The following MARCHF1 variants were observed in gnomAD, a reference collection of about 807,000 sequenced individuals.
MARCHF1 encodes the protein membrane associated ring-CH-type finger 1.
In MARCHF1, 40 loss-of-function variants were observed where a neutral mutation model predicts 54.2. That is an observed-to-expected ratio of 0.74 (90% confidence interval 0.57 to 0.96). MARCHF1 has a LOEUF of 0.96. Ranked by LOEUF, MARCHF1 falls within the 40% of genes least tolerant of loss-of-function variation. The probability of loss-of-function intolerance (pLI) is 0.00; values close to 1 mark genes in which losing one functional copy is unlikely to be tolerated. For synonymous variants in MARCHF1, 236 were observed against 236.3 expected, an observed-to-expected ratio of 1.00 and a Z score of 0.01; for missense variants, 586 against 656.5, an observed-to-expected ratio of 0.89 and a Z score of 1.17.
chr4:163,708,985 A>T lies in MARCHF1; in HGVS notation c.112-8122T>A, dbSNP rs190842504. ...AATGTTCATGATATATTGTTAAGGT[A>T]ATAAAGTTATAGAAAAATGTGTAGA... On this transcript the variant is annotated intron_variant, in intron 4 of 9. Transcript: ENST00000514618. Among the ~76,000 whole-genome samples the T allele has an allele frequency of 1.7e-3, 266 of 152,314 alleles. 1 individual carries two copies. Among genetic ancestry groups the T allele is most frequent in the African/African-American group, 6.3e-3 (260 of 41,570 alleles).
intron 1 of MARCHF1, among the ~76,000 whole-genome samples, chr4:164,221,599 C>T (rs1398405424): frequency 6.6e-6 from 1 of 150,946 alleles, no homozygotes; most frequent in Non-Finnish European, 1.5e-5. Flanking sequence ...AAATAAGTTT[C>T]TTTTTTTTTA....
intron 4 of MARCHF1, among the ~76,000 whole-genome samples, chr4:163,716,467 C>T (rs1227505611): frequency 6.6e-6 from 1 of 152,188 alleles, no homozygotes; most frequent in Non-Finnish European, 1.5e-5. Flanking sequence ...ATCCTGCAAA[C>T]TCGACAAATT....
intron 2 of MARCHF1, among the ~76,000 whole-genome samples, chr4:164,061,431 T>A (rs1462610301): frequency 2.0e-5 from 3 of 149,842 alleles, no homozygotes; most frequent in South Asian, 2.1e-4. Context: ...GTCACACAAT[T>A]TTTTTGGCTT....
intron 2 of MARCHF1, among the ~76,000 whole-genome samples, chr4:164,107,983 A>T (rs552978639): frequency 6.6e-6 from 1 of 152,222 alleles, no homozygotes; most frequent in African/African-American, 2.4e-5. Context: ...ATTTCCATTC[A>T]TCAGTTCACT....
intron 5 of MARCHF1, among the ~76,000 whole-genome samples, chr4:163,699,846 AG>A (rs1327952521): frequency 6.6e-6 from 1 of 152,176 alleles, no homozygotes; most frequent in Non-Finnish European, 1.5e-5. Context: ...TTTAAAGAAT[AG>A]CTCTTACATT....
chr4:164,378,710 A>G (rs1731272073), intron 1 of MARCHF1, among the ~76,000 whole-genome samples: 2 of 152,040 alleles, frequency 1.3e-5, no homozygotes, highest in Admixed American at 1.3e-4. Context: ...GAGCCTTTAT[A>G]AGTTTGTTTT....
At chr4:164,286,674 C>A (rs1432245929) in intron 1 of MARCHF1, among the ~76,000 whole-genome samples, 3 of 149,368 alleles carry the variant, frequency 2.0e-5, no homozygotes, top group Non-Finnish European at 4.4e-5. Context: ...TCTGGAAGTG[C>A]TTAGGAAAAA....
intron 1 of MARCHF1, among the ~76,000 whole-genome samples, chr4:164,342,917 T>A (rs1242967679): frequency 6.6e-6 from 1 of 152,106 alleles, no homozygotes; most frequent in Admixed American, 6.6e-5. Flanking sequence ...ATGATCTTAC[T>A]TATACGTGGA....
intron 2 of MARCHF1, among the ~76,000 whole-genome samples, chr4:164,006,520 G>A (rs781095034): frequency 6.6e-6 from 1 of 152,128 alleles, no homozygotes; most frequent in African/African-American, 2.4e-5. Flanking sequence ...TATTGGTGTT[G>A]AGAGGGAGCT....
Position 163,656,788 on chromosome 4 carries a change from G to A in MARCHF1, c.163-43395C>T, listed in dbSNP as rs184093388. On this transcript the variant is annotated intron_variant, in intron 5 of 9. Transcript: ENST00000514618. ...ATAAATGTAATTCATCACATAAACA[G>A]AACTAAAAACAAAAAATACATGATT... Among the ~76,000 whole-genome samples the A allele has an allele frequency of 2.6e-3, 400 of 151,972 alleles. 1 individual carries two copies. Among genetic ancestry groups the A allele is most frequent in the Non-Finnish European group, 4.5e-3 (305 of 67,934 alleles).
chr4:164,382,924 GAATAAC>G (rs1358818062), intron 1 of MARCHF1, among the ~76,000 whole-genome samples: 7 of 152,132 alleles, frequency 4.6e-5, no homozygotes, highest in African/African-American at 1.7e-4. Flanking sequence ...TGGAACTACT[GAATAAC>G]AATAAGAATT....
intron 3 of MARCHF1, among the ~76,000 whole-genome samples, chr4:163,898,867 A>G (rs2111299636): frequency 6.6e-6 from 1 of 152,322 alleles, no homozygotes; most frequent in African/African-American, 2.4e-5. Context: ...TAAAAAGAAT[A>G]AAATCATGTT....
intron 3 of MARCHF1, among the ~76,000 whole-genome samples, chr4:163,934,847 A>AATGTTGAT (rs1193816326): frequency 1.3e-5 from 2 of 152,038 alleles, no homozygotes; most frequent in African/African-American, 4.8e-5. Flanking sequence ...AATTCCTGTT[A>AATGTTGAT]ATGTTGATAT....
intron 4 of MARCHF1, among the ~76,000 whole-genome samples, chr4:163,802,324 T>C (rs1224445753): frequency 6.6e-6 from 1 of 152,174 alleles, no homozygotes; most frequent in Non-Finnish European, 1.5e-5. Context: ...TTTAAATTGC[T>C]AATGTGGAGA....
chr4:163,985,742 A>G (rs1000270119), intron 3 of MARCHF1, among the ~76,000 whole-genome samples: 1 of 152,190 alleles, frequency 6.6e-6, no homozygotes, highest in East Asian at 1.9e-4. Context: ...ATTTAAATTA[A>G]TTACAACTAA....
intron 4 of MARCHF1, among the ~76,000 whole-genome samples, chr4:163,814,162 C>G (rs1352433583): frequency 6.6e-6 from 1 of 152,182 alleles, no homozygotes; most frequent in African/African-American, 2.4e-5. Flanking sequence ...TAAACCATCA[C>G]AGCTGTAGAT....
intron 5 of MARCHF1, among the ~76,000 whole-genome samples, chr4:163,640,511 GCA>G (rs1275293249): frequency 6.6e-6 from 1 of 152,120 alleles, no homozygotes; most frequent in African/African-American, 2.4e-5. Flanking sequence ...CCACACAAGT[GCA>G]AATATAAAAG....
chr4:163,570,739 T>G (rs1292744861), intron 8 of MARCHF1, among the ~76,000 whole-genome samples: 1 of 152,148 alleles, frequency 6.6e-6, no homozygotes, highest in Non-Finnish European at 1.5e-5. Context: ...GGTAAGAGAT[T>G]AAATCTGCGA....
At chr4:163,683,784 C>T (rs964876425) in intron 5 of MARCHF1, among the ~76,000 whole-genome samples, 1 of 152,142 alleles carries the variant, frequency 6.6e-6, no homozygotes, top group Non-Finnish European at 1.5e-5. Context: ...ATTTATTTTG[C>T]TCACAACTCT....
Sources: allele counts gnomAD v4.1 joint callset (sites outside exome capture counted in the v4.1 genomes callset), GRCh38; gene constraint gnomAD v4.1.1; transcripts MANE v1.5; gene names NCBI Gene and HGNC (gene_info 2026-07-23, HGNC 2026-07-21).